The following RARRES1 variants were observed in gnomAD, a reference collection of about 807,000 sequenced individuals.
The protein encoded by RARRES1 is retinoic acid receptor responder 1, also known as retinoic acid receptor responder protein 1.
RARRES1 carries 34 observed loss-of-function variants against 30.6 expected under a neutral mutation model. The observed-to-expected ratio is 1.11, with a 90% CI of 0.84 to 1.48. RARRES1 has a LOEUF of 1.48. Among genes scored for constraint, RARRES1 ranks in the 40% most tolerant of loss-of-function variants. The pLI is 0.00. For missense variants in RARRES1, 373 were observed against 386.5 expected, an observed-to-expected ratio of 0.97 and a Z score of 0.29; for synonymous variants, 153 against 155.5, an observed-to-expected ratio of 0.98 and a Z score of 0.12.
chr3:158,729,453 A>C (rs562473901), intron 1 of RARRES1, among the ~76,000 whole-genome samples: 27 of 151,824 alleles, frequency 1.8e-4, no homozygotes, highest in African/African-American at 6.0e-4. Flanking sequence ...TCCTTTATTT[A>C]TTTATTTATT....
Position 158,696,900 on chromosome 3 carries a change from G to T in RARRES1, c.*778C>A, listed in dbSNP as rs1380034037. 1 of 152,166 alleles carries T rather than the reference G, an allele frequency of 6.6e-6. No individual in the cohort carries two copies. Among genetic ancestry groups the T allele is most frequent in the African/African-American group, 2.4e-5 (1 of 41,444 alleles). 9.4% of individuals were successfully genotyped at this position (152,166 alleles called of 1,614,324 possible). A position where few individuals can be genotyped will look rare whatever the true frequency, so the allele number is the denominator to read the frequency against. On this transcript the variant is annotated 3_prime_UTR_variant, in exon 6 of 6. Transcript: ENST00000237696. Reference sequence around the variant, plus strand: ...CCAACACTCAGTCCAAGTTGTCCTTGTAAATGAAAATTGTAAATATTTAAT... The same window carrying T: ...CCAACACTCAGTCCAAGTTGTCCTTTTAAATGAAAATTGTAAATATTTAAT...
intron 1 of RARRES1, among the ~76,000 whole-genome samples, chr3:158,716,365 G>C (rs1374939674): frequency 2.6e-5 from 4 of 152,130 alleles, no homozygotes; most frequent in Non-Finnish European, 2.9e-5. Flanking sequence ...GATACATTCG[G>C]GCATGGTTAT....
At chr3:158,707,033 G>A (rs1406947999) in intron 3 of RARRES1, among the ~76,000 whole-genome samples, 1 of 152,134 alleles carries the variant, frequency 6.6e-6, no homozygotes, top group Non-Finnish European at 1.5e-5. Context: ...GCTGGGTGTG[G>A]TGGCACACGC....
chr3:158,712,830 G>C (rs1419595731), intron 2 of RARRES1, among the ~76,000 whole-genome samples: 1 of 152,192 alleles, frequency 6.6e-6, no homozygotes, highest in Non-Finnish European at 1.5e-5. Flanking sequence ...TGCATCTACA[G>C]GATCAAATCC....
chr3:158,732,027 C>T (rs1727907010), intron 1 of RARRES1, 113 bp downstream of exon 1: 2 of 1,098,374 alleles, frequency 1.8e-6, no homozygotes, highest in Non-Finnish European at 1.2e-6. Flanking sequence ...GCGCACTGCA[C>T]CTTCCCTGGC....
In RARRES1 at chr3:158,697,400, G is replaced by T; in HGVS notation, c.*278C>A. Reference sequence around the variant, plus strand: ...TGCTGATTCTGGTGCAACATACACTGATTATCCAGGTTTTACATTTTAGGG... The same window carrying T: ...TGCTGATTCTGGTGCAACATACACTTATTATCCAGGTTTTACATTTTAGGG... On this transcript the variant is annotated 3_prime_UTR_variant, in exon 6 of 6. Coordinates refer to ENST00000237696, the MANE Select transcript of RARRES1 (RefSeq NM_206963.2). 1 of 297,224 alleles carries T rather than the reference G, an allele frequency of 3.4e-6. No homozygotes were observed. Among genetic ancestry groups the T allele is most frequent in the African/African-American group, 2.2e-5 (1 of 46,088 alleles). 18.4% of individuals were successfully genotyped at this position (297,224 alleles called of 1,614,324 possible).
intron 1 of RARRES1, among the ~76,000 whole-genome samples, chr3:158,715,892 A>G (rs1198551243): frequency 1.3e-5 from 2 of 152,168 alleles, no homozygotes; most frequent in African/African-American, 4.8e-5. Flanking sequence ...GGAGGAACAC[A>G]GGGCTGTGGC....
At chr3:158,709,515 A>G (rs1191873751) in intron 3 of RARRES1, among the ~76,000 whole-genome samples, 1 of 152,218 alleles carries the variant, frequency 6.6e-6, no homozygotes, top group Non-Finnish European at 1.5e-5. Flanking sequence ...TCAGAGAACT[A>G]TCATGTGAGA....
Position 158,708,812 on chromosome 3 carries a change from G to A in RARRES1, c.535+1926C>T, listed in dbSNP as rs1330677075. ...CTCCCAAGTAGCTGGGACTACAGGCGCATGCCACCATGCCTGGCTATTTTT... is the reference window on the plus strand; with the variant it reads ...CTCCCAAGTAGCTGGGACTACAGGCACATGCCACCATGCCTGGCTATTTTT... On this transcript the variant is annotated intron_variant, in intron 3 of 5. Transcript: ENST00000237696. 2.6e-5 allele frequency among the ~76,000 whole-genome samples: 4 copies of A among 152,016 alleles called. No homozygotes were observed. The East Asian group carries it at 5.8e-4, about 22-fold the overall frequency.
In RARRES1 at chr3:158,713,076, G is replaced by A. The variant is rs553631649; in HGVS notation, c.339+721C>T. On this transcript the variant is annotated intron_variant, in intron 2 of 5. Coordinates refer to ENST00000237696, the MANE Select transcript of RARRES1 (RefSeq NM_206963.2). ...TGGGGGAGTCATGCCTTCAACTCCC[G>A]AAACTCTGCCACCCTGGAACACTTT... 8.5e-5 allele frequency among the ~76,000 whole-genome samples: 13 copies of A among 152,172 alleles called. No homozygotes were observed. The East Asian group carries it at 9.7e-4, about 11-fold the overall frequency.
chr3:158,724,007 G>A (rs183256795), intron 1 of RARRES1, among the ~76,000 whole-genome samples: 32 of 152,322 alleles, frequency 2.1e-4, no homozygotes, highest in South Asian at 2.1e-4. Context: ...TGACCGTCTC[G>A]TTTGGGATAG....
chr3:158,713,193 C>T (rs1576815326), intron 2 of RARRES1, among the ~76,000 whole-genome samples: 1 of 152,236 alleles, frequency 6.6e-6, no homozygotes, highest in East Asian at 1.9e-4. Flanking sequence ...CTGATTGCCG[C>T]CTTTCAGCTT....
At chr3:158,715,314 A>C (rs1727288622) in intron 1 of RARRES1, among the ~76,000 whole-genome samples, 1 of 152,242 alleles carries the variant, frequency 6.6e-6, no homozygotes, top group Non-Finnish European at 1.5e-5. Flanking sequence ...GGCAGATCGC[A>C]GCCTGCGGGA....
At chr3:158,727,471 T>C (rs1440054991) in intron 1 of RARRES1, among the ~76,000 whole-genome samples, 1 of 152,138 alleles carries the variant, frequency 6.6e-6, no homozygotes, top group Non-Finnish European at 1.5e-5. Flanking sequence ...ACTTGAAGAT[T>C]TCAGCTAGTC....
chr3:158,701,337 T>TTA (rs1389301025), intron 4 of RARRES1, among the ~76,000 whole-genome samples: 3 of 152,116 alleles, frequency 2.0e-5, no homozygotes, highest in African/African-American at 7.2e-5. Flanking sequence ...GTGTCTTACT[T>TTA]TATATTTGCA....
At chr3:158,722,086 C>CAAAA (rs571829700) in intron 1 of RARRES1, among the ~76,000 whole-genome samples, 8,555 of 68,348 alleles carry the variant, frequency 0.13, 401 homozygotes, top group South Asian at 0.21. Context: ...GAATGAAACT[C>CAAAA]AAAAAAAAAA....
chr3:158,705,014 T>G, intron 3 of RARRES1, 87 bp from the exon 4 acceptor site: 1 of 1,502,510 alleles, frequency 6.7e-7, no homozygotes, highest in Non-Finnish European at 8.9e-7. Context: ...GGGTTTAAAC[T>G]TAGTCATACC....
In RARRES1 at chr3:158,719,448, T is replaced by A. The variant is rs373149286; in HGVS notation, c.277-5589A>T. ...CACCACACCCGGCTAATTTTTGTAT[T>A]TTTATCAGAGATGGGATTTTACCAT... On this transcript the variant is annotated intron_variant, in intron 1 of 5. Coordinates refer to ENST00000237696, the MANE Select transcript of RARRES1 (RefSeq NM_206963.2). 1.4e-4 allele frequency among the ~76,000 whole-genome samples: 21 copies of A among 152,194 alleles called. No individual in the cohort carries two copies. In the East Asian group the frequency reaches 2.5e-3, roughly 18 times the overall value.
rs1320055722 is a variant in RARRES1, at chr3:158,697,889, A to C, written c.735+19T>G. On this transcript the variant is annotated intron_variant, in intron 5 of 5. Transcript: ENST00000237696. ...AAACTTATGGTAAAAACAATTCTACATACAATGTTATGTTTTACCTGTGTT... is the reference window on the plus strand; with the variant it reads ...AAACTTATGGTAAAAACAATTCTACCTACAATGTTATGTTTTACCTGTGTT... 1 of 1,559,294 alleles carries C rather than the reference A, an allele frequency of 6.4e-7. No homozygotes were observed. The highest frequency in any genetic ancestry group is 1.4e-5 in the African/African-American group (1 of 73,468).
Sources: allele counts gnomAD v4.1 joint callset (sites outside exome capture counted in the v4.1 genomes callset), GRCh38; gene constraint gnomAD v4.1.1; transcripts MANE v1.5; gene names NCBI Gene and HGNC (gene_info 2026-07-23, HGNC 2026-07-21).